Variants in YLPM1 observed in about 807,000 individuals in gnomAD.
YLPM1 encodes the protein YLP motif-containing protein 1.
A neutral mutation model predicts 230.0 loss-of-function variants in YLPM1; 99 were observed. The observed-to-expected ratio is 0.43, with a 90% CI of 0.37 to 0.51. The LOEUF (loss-of-function observed/expected upper bound fraction) is 0.51, where lower values mean the gene tolerates loss of function less well. Among genes scored for constraint, YLPM1 ranks in the 20% least tolerant of loss-of-function variants. YLPM1 has a pLI of 0.00. For synonymous variants in YLPM1, 984 were observed against 942.5 expected (o/e 1.04, Z -0.81); for missense variants, 2,592 against 2,707.7 (o/e 0.96, Z 0.95).
intron 4 of YLPM1, 61 bp from the exon 5 acceptor site, chr14:74,797,518 AC>A (rs2091276445): frequency 7.4e-7 from 1 of 1,351,268 alleles, no homozygotes; most frequent in African/African-American, 1.5e-5. Flanking sequence ...AAATATTCTT[AC>A]ATGGAGAATT....
At chr14:74,816,478 T>C (rs1594839877) in intron 12 of YLPM1, 93 bp from the exon 13 acceptor site, 1 of 1,443,766 alleles carries the variant, frequency 6.9e-7, no homozygotes, top group Non-Finnish European at 9.3e-7. Context: ...CACCAGAAGA[T>C]TGTATATTAT....
At chr14:74,771,278 A>G (rs1223308523) in intron 1 of YLPM1, among the ~76,000 whole-genome samples, 3 of 152,218 alleles carry the variant, frequency 2.0e-5, no homozygotes, top group African/African-American at 7.2e-5. Flanking sequence ...ACATAGATTT[A>G]TAAGTCATCA....
intron 17 of YLPM1, chr14:74,822,047 A>G (rs1566765544): frequency 2.0e-5 from 3 of 152,236 alleles, no homozygotes. Flanking sequence ...CTGTGTTTAT[A>G]TAAAGATGGT....
intron 15 of YLPM1, 33 bp from the exon 16 acceptor site, chr14:74,818,198 A>C: frequency 1.3e-6 from 2 of 1,531,900 alleles, no homozygotes; most frequent in Non-Finnish European, 1.8e-6. Context: ...AGTAGTTTCT[A>C]GAGATAACTC....
Position 74,816,528 on chromosome 14 carries a change from T to G in YLPM1, c.5566-43T>G, listed in dbSNP as rs777552572. On this transcript the variant is annotated intron_variant, in intron 12 of 20. Coordinates refer to ENST00000325680, the MANE Select transcript of YLPM1 (RefSeq NM_019589.3). ...GAACTTTGGTGTGAACATTAATTTA[T>G]TCCATAAATTCGTTTTAACCTTCTT... 1.9e-6 allele frequency: 3 copies of G among 1,574,390 alleles called. No individual in the cohort carries two copies. The East Asian group carries it at 6.7e-5, about 35-fold the overall frequency.
At chr14:74,834,020 A>G (rs2091625952) in intron 19 of YLPM1, among the ~76,000 whole-genome samples, 1 of 152,152 alleles carries the variant, frequency 6.6e-6, no homozygotes, top group Admixed American at 6.6e-5. Flanking sequence ...CTTTTACAGA[A>G]TATGTATATC....
chr14:74,795,653 A>G (rs2091252677), intron 4 of YLPM1, among the ~76,000 whole-genome samples: 1 of 152,136 alleles, frequency 6.6e-6, no homozygotes, highest in Non-Finnish European at 1.5e-5. Flanking sequence ...CATCACCTTC[A>G]CTTACCCAAA....
At chr14:74,815,017 A>G (rs1306176721) in intron 11 of YLPM1, among the ~76,000 whole-genome samples, 2 of 152,182 alleles carry the variant, frequency 1.3e-5, no homozygotes, top group East Asian at 1.9e-4. Flanking sequence ...ACAATTGTTC[A>G]TAGTATTCCT....
chr14:74,833,601 T>A (rs2091623558), intron 19 of YLPM1, among the ~76,000 whole-genome samples: 1 of 152,212 alleles, frequency 6.6e-6, no homozygotes. Flanking sequence ...ATGAGCAGAA[T>A]GCCCAAAGAT....
intron 16 of YLPM1, among the ~76,000 whole-genome samples, chr14:74,819,326 G>T (rs1240970636): frequency 3.6e-5 from 5 of 139,632 alleles, no homozygotes; most frequent in Non-Finnish European, 7.6e-5. Context: ...CTAGATTGTA[G>T]TGCAGTGGTG....
chr14:74,824,336 A>G (rs1186626752), intron 18 of YLPM1, 29 bp downstream of exon 18: 14 of 1,602,574 alleles, frequency 8.7e-6, no homozygotes, highest in South Asian at 6.7e-5. Context: ...CTGTTTTTAT[A>G]TGTGATACCT....
At chr14:74,809,339 G>C in intron 6 of YLPM1, 41 bp from the exon 7 acceptor site, 5 of 1,553,638 alleles carry the variant, frequency 3.2e-6, no homozygotes, top group Non-Finnish European at 3.5e-6. Flanking sequence ...TAAAAACATA[G>C]TGGTATACTT....
chr14:74,795,194 C>G (rs919710931), intron 4 of YLPM1, among the ~76,000 whole-genome samples: 15 of 152,234 alleles, frequency 9.9e-5, no homozygotes, highest in African/African-American at 3.4e-4. Flanking sequence ...GTCAGTTATC[C>G]CCAGTGAATA....
At chr14:74,777,411 A>C (rs1001179713) in intron 1 of YLPM1, among the ~76,000 whole-genome samples, 3 of 151,290 alleles carry the variant, frequency 2.0e-5, no homozygotes. Flanking sequence ...ACTAAAAATA[A>C]AAAAATTTAG....
intron 1 of YLPM1, among the ~76,000 whole-genome samples, chr14:74,775,035 C>G (rs968474672): frequency 3.9e-5 from 6 of 152,152 alleles, no homozygotes; most frequent in Non-Finnish European, 7.3e-5. Context: ...ATAAGTTGAA[C>G]CATTGTTAAG....
Position 74,769,259 on chromosome 14 carries a change from C to CTTTTTTTTTTT in YLPM1, c.873+4916_873+4926dup, listed in dbSNP as rs34023289. ...CCGGCTAATTTTTTTGTATTTTTAT[C>CTTTTTTTTTTT]TTTTTTTTTTTTTTTTTTTTTTTTT... On this transcript the variant is annotated intron_variant, in intron 1 of 20. Coordinates refer to ENST00000325680, the MANE Select transcript of YLPM1 (RefSeq NM_019589.3). Among the ~76,000 whole-genome samples the CTTTTTTTTTTT allele has an allele frequency of 3.1e-4, 12 of 38,408 alleles. 1 individual carries two copies. The highest frequency in any genetic ancestry group is 5.9e-4 in the African/African-American group (8 of 13,602). 25.2% of individuals were successfully genotyped at this position (38,408 alleles called of 152,430 possible).
rs2091038477 is a variant in YLPM1, at chr14:74,776,373, A to T, written c.874-2074A>T. ...TGTTTCTGTTTAAAGAACCTTATTT[A>T]GTACATATTGTTGATTTATTAACAT... On this transcript the variant is annotated intron_variant, in intron 1 of 20. Coordinates refer to ENST00000325680, the MANE Select transcript of YLPM1 (RefSeq NM_019589.3). Among the ~76,000 whole-genome samples, 4 of 152,316 alleles carry T rather than the reference A, an allele frequency of 2.6e-5. No homozygotes were observed. The South Asian group carries it at 8.3e-4, about 32-fold the overall frequency.
At position 74,769,272 on chromosome 14, in the gene YLPM1, T is replaced by G. The variant is rs1477632345; in HGVS notation, c.873+4910T>G. 9.2e-4 allele frequency among the ~76,000 whole-genome samples: 105 copies of G among 114,236 alleles called. 2 individuals are homozygous for G. Among genetic ancestry groups the G allele is most frequent in the Non-Finnish European group, 1.7e-3 (97 of 57,108 alleles). 74.9% of individuals were successfully genotyped at this position (114,236 alleles called of 152,430 possible). On this transcript the variant is annotated intron_variant, in intron 1 of 20. Coordinates refer to ENST00000325680, the MANE Select transcript of YLPM1 (RefSeq NM_019589.3). ...TTGTATTTTTATCTTTTTTTTTTTT[T>G]TTTTTTTTTTTTTTTTGGAGACGAA...
At chr14:74,833,736 TC>T (rs1198030608) in intron 19 of YLPM1, among the ~76,000 whole-genome samples, 1 of 152,192 alleles carries the variant, frequency 6.6e-6, no homozygotes, top group African/African-American at 2.4e-5. Context: ...ACCAGTTTCT[TC>T]CCACTGCTAT....
Sources: gnomAD v4.1 joint callset for allele counts (sites outside exome capture counted in the v4.1 genomes callset) on GRCh38, gnomAD v4.1.1 for gene constraint, MANE v1.5 for transcripts, NCBI Gene and HGNC (gene_info 2026-07-23, HGNC 2026-07-21) for gene names.